Variants in ABHD17C observed in about 807,000 individuals in gnomAD.
ABHD17C encodes the protein abhydrolase domain containing 17C, depalmitoylase, also known as alpha/beta hydrolase domain-containing protein 17C.
ABHD17C carries 11 observed loss-of-function variants against 27.9 expected under a neutral mutation model. The ratio of observed to expected loss-of-function variants is 0.39; its 90% CI spans 0.25 to 0.65. The LOEUF (loss-of-function observed/expected upper bound fraction) is 0.65. Among genes scored for constraint, ABHD17C ranks in the 30% least tolerant of loss-of-function variants. The pLI is 0.45. For missense variants in ABHD17C, 280 were observed against 470.2 expected, an observed-to-expected ratio of 0.60 and a Z score of 3.74; for synonymous variants, 233 against 209.1, an observed-to-expected ratio of 1.11 and a Z score of -0.98.
chr15:80,719,684 T>A (rs990910333), intron 1 of ABHD17C, among the ~76,000 whole-genome samples: 6 of 152,220 alleles, frequency 3.9e-5, no homozygotes, highest in Non-Finnish European at 7.3e-5. Flanking sequence ...TCTTTCTGAT[T>A]TAAGGCAAAT....
intron 2 of ABHD17C, among the ~76,000 whole-genome samples, chr15:80,753,691 C>T (rs1895394179): frequency 6.6e-6 from 1 of 152,150 alleles, no homozygotes; most frequent in Non-Finnish European, 1.5e-5. Context: ...CAGGCATGCA[C>T]CACCATGCCT....
intron 1 of ABHD17C, among the ~76,000 whole-genome samples, chr15:80,699,720 A>G (rs1375248242): frequency 6.6e-6 from 1 of 152,182 alleles, no homozygotes; most frequent in Non-Finnish European, 1.5e-5. Context: ...AATCCAGAGT[A>G]AGGGTTTCAG....
At chr15:80,750,477 A>T (rs778706729) in intron 2 of ABHD17C, among the ~76,000 whole-genome samples, 1 of 152,186 alleles carries the variant, frequency 6.6e-6, no homozygotes, top group East Asian at 1.9e-4. Flanking sequence ...TTATAAAAAA[A>T]CCTCAGCAGA....
chr15:80,737,876 A>G (rs1348565762), intron 1 of ABHD17C, among the ~76,000 whole-genome samples: 1 of 152,154 alleles, frequency 6.6e-6, no homozygotes, highest in Non-Finnish European at 1.5e-5. Context: ...GAATAGTCGG[A>G]TGGGGCTAGA....
chr15:80,736,215 T>G (rs946729808), intron 1 of ABHD17C, among the ~76,000 whole-genome samples: 1 of 152,262 alleles, frequency 6.6e-6, no homozygotes, highest in Non-Finnish European at 1.5e-5. Flanking sequence ...GAAGTCTGTT[T>G]GTGAAATTTT....
intron 1 of ABHD17C, among the ~76,000 whole-genome samples, chr15:80,722,363 AT>A (rs1042859004): frequency 7.1e-5 from 10 of 141,156 alleles, no homozygotes; most frequent in African/African-American, 2.6e-4. Context: ...TATCTTCACT[AT>A]GAGAAAGGAA....
intron 1 of ABHD17C, among the ~76,000 whole-genome samples, 179 bp from the exon 2 acceptor site, chr15:80,749,334 C>T (rs1244166185): frequency 6.6e-6 from 1 of 152,088 alleles, no homozygotes; most frequent in East Asian, 1.9e-4. Flanking sequence ...CCAAAACAGG[C>T]CCCTAACAAT....
chr15:80,737,991 TATATC>T (rs1031702832), intron 1 of ABHD17C, among the ~76,000 whole-genome samples: 1 of 151,804 alleles, frequency 6.6e-6, no homozygotes, highest in Non-Finnish European at 1.5e-5. Context: ...TCAAGGAAGA[TATATC>T]TGTTGGGAAG....
intron 1 of ABHD17C, among the ~76,000 whole-genome samples, chr15:80,731,228 G>C (rs1397147518): frequency 1.3e-5 from 2 of 152,148 alleles, no homozygotes; most frequent in African/African-American, 4.8e-5. Context: ...TTCAAATATA[G>C]AAATTGGAGT....
At chr15:80,723,732 C>T (rs1894930936) in intron 1 of ABHD17C, among the ~76,000 whole-genome samples, 1 of 152,186 alleles carries the variant, frequency 6.6e-6, no homozygotes, top group Admixed American at 6.5e-5. Flanking sequence ...TTTCCTGGGG[C>T]ACACAGAATC....
chr15:80,721,368 C>T (rs1014741233), intron 1 of ABHD17C, among the ~76,000 whole-genome samples: 2 of 151,996 alleles, frequency 1.3e-5, no homozygotes, highest in African/African-American at 4.8e-5. Flanking sequence ...ATACTTGGGT[C>T]TTTGATGCTG....
intron 1 of ABHD17C, 115 bp downstream of exon 1, chr15:80,696,134 G>A (rs1324661210): frequency 9.1e-7 from 1 of 1,098,988 alleles, no homozygotes; most frequent in Admixed American, 2.7e-5. Context: ...CGGGGCTGAG[G>A]GCCAGCGGAG....
At chr15:80,716,668 C>G (rs915569988) in intron 1 of ABHD17C, among the ~76,000 whole-genome samples, 1 of 152,126 alleles carries the variant, frequency 6.6e-6, no homozygotes, top group African/African-American at 2.4e-5. Context: ...TTTGTAAGCT[C>G]CATGAAGGCA....
intron 1 of ABHD17C, among the ~76,000 whole-genome samples, chr15:80,712,201 C>G (rs978825240): frequency 6.6e-6 from 1 of 152,228 alleles, no homozygotes; most frequent in African/African-American, 2.4e-5. Flanking sequence ...GTATCTAACT[C>G]TTTAGACTCA....
chr15:80,725,351 G>C (rs1894958109), intron 1 of ABHD17C, among the ~76,000 whole-genome samples: 2 of 152,202 alleles, frequency 1.3e-5, no homozygotes. Context: ...ACATGGGATA[G>C]GTGAGAATTC....
At chr15:80,707,063 G>A (rs1472086071) in intron 1 of ABHD17C, among the ~76,000 whole-genome samples, 1 of 152,240 alleles carries the variant, frequency 6.6e-6, no homozygotes, top group African/African-American at 2.4e-5. Context: ...ACTTCTTTGT[G>A]CGCAGAAGGT....
At chr15:80,727,389 G>A (rs923027840) in intron 1 of ABHD17C, among the ~76,000 whole-genome samples, 2 of 152,152 alleles carry the variant, frequency 1.3e-5, no homozygotes, top group African/African-American at 4.8e-5. Context: ...TAGCCCCATG[G>A]TGCTTCTGTT....
intron 1 of ABHD17C, among the ~76,000 whole-genome samples, chr15:80,748,467 T>G (rs1895321035): frequency 6.6e-6 from 1 of 152,166 alleles, no homozygotes; most frequent in South Asian, 2.1e-4. Flanking sequence ...TGCCTATCGT[T>G]TGGGTATAAA....
chr15:80,709,111 G>A (rs549576053), intron 1 of ABHD17C, among the ~76,000 whole-genome samples: 27 of 151,760 alleles, frequency 1.8e-4, no homozygotes, highest in African/African-American at 6.3e-4. Context: ...TCATACCAGG[G>A]GTTTCAACAT....
Sources: gnomAD v4.1 joint callset for allele counts (sites outside exome capture counted in the v4.1 genomes callset) on GRCh38, gnomAD v4.1.1 for gene constraint, MANE v1.5 for transcripts, NCBI Gene and HGNC (gene_info 2026-07-23, HGNC 2026-07-21) for gene names.